MYO3B: variants seen among roughly 807,000 people sequenced by gnomAD.
The protein encoded by MYO3B is myosin IIIB.
A neutral mutation model predicts 174.6 loss-of-function variants in MYO3B; 156 were observed. The ratio of observed to expected loss-of-function variants is 0.89; its 90% confidence interval spans 0.78 to 1.02. The LOEUF is 1.02. Among genes scored for constraint, MYO3B ranks in the 50% least tolerant of loss-of-function variants. The pLI is 0.00. For missense variants in MYO3B, 1,632 were observed against 1,639.4 expected (o/e 1.00, Z 0.08); for synonymous variants, 563 against 569.1 (o/e 0.99, Z 0.15).
intron 32 of MYO3B, among the ~76,000 whole-genome samples, chr2:170,594,823 G>GCA (rs1694038771): frequency 8.0e-6 from 1 of 125,136 alleles, no homozygotes; most frequent in Non-Finnish European, 1.6e-5. Flanking sequence ...CTTTCCCAGC[G>GCA]CGCGCACACA....
chr2:170,402,735 A>G (rs1005323874), intron 18 of MYO3B, 113 bp from the exon 19 acceptor site: 11 of 988,172 alleles, frequency 1.1e-5, no homozygotes, highest in Non-Finnish European at 1.5e-5. Flanking sequence ...GCTGCTTTCC[A>G]TGAGTGGGTG....
At chr2:170,257,425 C>CT (rs1198091786) in intron 7 of MYO3B, among the ~76,000 whole-genome samples, 2 of 151,988 alleles carry the variant, frequency 1.3e-5, no homozygotes, top group Non-Finnish European at 2.9e-5. Flanking sequence ...AAATCAATAC[C>CT]AAGAAGATCT....
chr2:170,574,847 T>C (rs1692687688), intron 32 of MYO3B, among the ~76,000 whole-genome samples: 1 of 152,228 alleles, frequency 6.6e-6, no homozygotes, highest in Admixed American at 6.5e-5. Flanking sequence ...AGAGGAAATA[T>C]GCTCATAGAG....
intron 28 of MYO3B, among the ~76,000 whole-genome samples, chr2:170,512,891 T>C (rs1022451165): frequency 1.3e-5 from 2 of 152,198 alleles, no homozygotes; most frequent in Non-Finnish European, 2.9e-5. Context: ...GCAAGTCATT[T>C]AACCTCCCCT....
chr2:170,618,366 G>A (rs1454411615), intron 32 of MYO3B, among the ~76,000 whole-genome samples: 3 of 152,192 alleles, frequency 2.0e-5, no homozygotes, highest in Non-Finnish European at 4.4e-5. Context: ...GGCAGAGGTT[G>A]AGCCAGACCT....
chr2:170,567,005 G>T (rs545094609), intron 32 of MYO3B, among the ~76,000 whole-genome samples: 5 of 152,054 alleles, frequency 3.3e-5, no homozygotes, highest in African/African-American at 1.2e-4. Flanking sequence ...TAATATTGTC[G>T]TATTTTAAAC....
chr2:170,409,496 CAT>C (rs1256007352), intron 22 of MYO3B, among the ~76,000 whole-genome samples: 1 of 152,192 alleles, frequency 6.6e-6, no homozygotes, highest in Non-Finnish European at 1.5e-5. Context: ...ATATATTATG[CAT>C]AGTAATTTCC....
chr2:170,623,474 C>G (rs1013957084), intron 32 of MYO3B, among the ~76,000 whole-genome samples: 1 of 152,104 alleles, frequency 6.6e-6, no homozygotes, highest in African/African-American at 2.4e-5. Flanking sequence ...TGGATTTTAG[C>G]CCTTTGTCAG....
intron 30 of MYO3B, chr2:170,520,049 A>C (rs1352491292): frequency 6.6e-6 from 1 of 152,462 alleles, no homozygotes; most frequent in African/African-American, 2.4e-5. Flanking sequence ...CGTGAACACA[A>C]CCCTACTTTT....
At chr2:170,498,428 T>G (rs1687018343) in intron 25 of MYO3B, among the ~76,000 whole-genome samples, 164 bp from the exon 26 acceptor site, 1 of 152,188 alleles carries the variant, frequency 6.6e-6, no homozygotes, top group South Asian at 2.1e-4. Context: ...AGAGCCAAGT[T>G]CATAAGTATA....
At chr2:170,463,323 A>G (rs1684424248) in intron 23 of MYO3B, 45 bp from the exon 24 acceptor site, 1 of 1,553,596 alleles carries the variant, frequency 6.4e-7, no homozygotes, top group Admixed American at 1.7e-5. Flanking sequence ...AGCATGAGGT[A>G]AGTGCCTAGA....
chr2:170,546,693 C>T (rs1170272016), intron 32 of MYO3B, among the ~76,000 whole-genome samples: 1 of 152,136 alleles, frequency 6.6e-6, no homozygotes, highest in African/African-American at 2.4e-5. Flanking sequence ...GTTGTAGAAA[C>T]AAGAATATAT....
intron 12 of MYO3B, 90 bp downstream of exon 12, chr2:170,383,904 C>T (rs2094354373): frequency 9.3e-7 from 1 of 1,075,942 alleles, no homozygotes; most frequent in Non-Finnish European, 1.4e-6. Context: ...TGAAACCTTT[C>T]CATTCCGGTT....
At chr2:170,194,209 C>T (rs138037003) in intron 1 of MYO3B, among the ~76,000 whole-genome samples, 17 of 151,838 alleles carry the variant, frequency 1.1e-4, no homozygotes, top group East Asian at 9.6e-4. Context: ...TTTTTCCCTT[C>T]GAAACTTTGT....
At chr2:170,530,719 T>C (rs1278664233) in intron 30 of MYO3B, among the ~76,000 whole-genome samples, 1 of 152,204 alleles carries the variant, frequency 6.6e-6, no homozygotes, top group African/African-American at 2.4e-5. Context: ...ACTGTGCTTT[T>C]TTCTCCAAGG....
At chr2:170,483,764 G>A (rs1381524957) in intron 25 of MYO3B, among the ~76,000 whole-genome samples, 1 of 152,200 alleles carries the variant, frequency 6.6e-6, no homozygotes, top group South Asian at 2.1e-4. Flanking sequence ...GAAAGAGAAT[G>A]TGAGGAAACC....
chr2:170,450,531 G>A (rs573924627), intron 23 of MYO3B, among the ~76,000 whole-genome samples: 3 of 151,902 alleles, frequency 2.0e-5, no homozygotes, highest in African/African-American at 7.2e-5. Flanking sequence ...AAGACAGCAT[G>A]AGGCCAGCTG....
At chr2:170,468,830 A>T (rs1319161641) in intron 25 of MYO3B, among the ~76,000 whole-genome samples, 1 of 152,138 alleles carries the variant, frequency 6.6e-6, no homozygotes, top group Non-Finnish European at 1.5e-5. Context: ...ACATAACTGC[A>T]TGTATTGGGA....
intron 7 of MYO3B, among the ~76,000 whole-genome samples, chr2:170,241,383 C>T (rs554348508): frequency 2.0e-5 from 3 of 152,262 alleles, no homozygotes; most frequent in South Asian, 4.1e-4. Flanking sequence ...AAAGAAAATG[C>T]TTTCCAAGTT....
Sources: gnomAD v4.1 joint callset for allele counts (sites outside exome capture counted in the v4.1 genomes callset) on GRCh38, gnomAD v4.1.1 for gene constraint, MANE v1.5 for transcripts, NCBI Gene and HGNC (gene_info 2026-07-23, HGNC 2026-07-21) for gene names.